The following LARGE1 variants were observed in gnomAD, a reference collection of about 807,000 sequenced individuals.
The protein encoded by LARGE1 is xylosyl- and glucuronyltransferase LARGE1.
A neutral mutation model predicts 87.6 loss-of-function variants in LARGE1; 43 were observed. The observed-to-expected ratio is 0.49, with a 90% CI of 0.38 to 0.63. LARGE1 has a LOEUF of 0.63. Among genes scored for constraint, LARGE1 ranks in the 30% least tolerant of loss-of-function variants. LARGE1 has a pLI of 0.00. For synonymous variants in LARGE1, 434 were observed against 394.6 expected, an observed-to-expected ratio of 1.10 and a Z score of -1.18; for missense variants, 802 against 1,000.2, an observed-to-expected ratio of 0.80 and a Z score of 2.67.
At chr22:33,119,065 T>A in the LARGE1 span, among the ~76,000 whole-genome samples, 2 of 152,322 alleles carry the variant, frequency 1.3e-5, no homozygotes, top group Middle Eastern at 6.8e-3. Context: ...GCAAAAGGGC[T>A]ATGGGTAGGA....
chr22:33,851,779 T>C (rs1404338291), intron 1 of LARGE1, among the ~76,000 whole-genome samples: 1 of 152,208 alleles, frequency 6.6e-6, no homozygotes, highest in Non-Finnish European at 1.5e-5. Context: ...TTGGGTGCTG[T>C]CAACAGAGCA....
chr22:33,071,946 G>A, the LARGE1 span, among the ~76,000 whole-genome samples: 4 of 152,164 alleles, frequency 2.6e-5, no homozygotes, highest in Non-Finnish European at 5.9e-5. Flanking sequence ...CTGTTCTGGA[G>A]CTACTACCCG....
At chr22:33,555,664 C>T (rs983778122) in intron 6 of LARGE1, among the ~76,000 whole-genome samples, 1 of 152,100 alleles carries the variant, frequency 6.6e-6, no homozygotes, top group African/African-American at 2.4e-5. Flanking sequence ...CGTGGTGGCT[C>T]ATGCTTGTAA....
intron 2 of LARGE1, among the ~76,000 whole-genome samples, chr22:33,701,680 TTG>T (rs752585785): frequency 1.3e-5 from 2 of 152,130 alleles, no homozygotes; most frequent in Non-Finnish European, 2.9e-5. Context: ...GCAAAAGTGA[TTG>T]TAAGTGGATT....
chr22:33,683,267 A>G (rs2081837258), intron 2 of LARGE1, among the ~76,000 whole-genome samples: 1 of 152,210 alleles, frequency 6.6e-6, no homozygotes. Context: ...TCAATTGAAG[A>G]TCTGAGTAGA....
the LARGE1 span, among the ~76,000 whole-genome samples, chr22:33,115,592 G>A: frequency 6.6e-6 from 1 of 151,968 alleles, no homozygotes; most frequent in Non-Finnish European, 1.5e-5. Flanking sequence ...TCAAGGCGGG[G>A]GAATCACGAA....
At chr22:33,268,773 T>C (rs1232105788), downstream of LARGE1, among the ~76,000 whole-genome samples, 3 of 152,170 alleles carry the variant, frequency 2.0e-5, no homozygotes, top group Non-Finnish European at 4.4e-5. Flanking sequence ...TCACTTTCAT[T>C]GTCTGGTAAT....
intron 9 of LARGE1, among the ~76,000 whole-genome samples, chr22:33,352,458 T>A (rs1363154473): frequency 6.6e-6 from 1 of 152,094 alleles, no homozygotes; most frequent in Non-Finnish European, 1.5e-5. Context: ...AATGTACAAC[T>A]GTTAGAAGAT....
At chr22:33,262,812 TTTCCTTCCTGAC>T (rs1403884970) in intron 11 of LARGE1, among the ~76,000 whole-genome samples, 2 of 149,508 alleles carry the variant, frequency 1.3e-5, no homozygotes, top group African/African-American at 4.9e-5. Flanking sequence ...TCCTTCCTTC[TTTCCTTCCTGAC>T]TTCCTTCCTT....
At chr22:33,244,168 T>TTG (rs695523) in intron 11 of LARGE1, among the ~76,000 whole-genome samples, 3 of 151,646 alleles carry the variant, frequency 2.0e-5, no homozygotes, top group Non-Finnish European at 4.4e-5. Flanking sequence ...TTTTTTTTTT[T>TTG]GTATTTTTAG....
intron 12 of LARGE1, among the ~76,000 whole-genome samples, chr22:33,296,836 T>C (rs1602288974): frequency 1.3e-5 from 2 of 152,174 alleles, no homozygotes; most frequent in Non-Finnish European, 2.9e-5. Flanking sequence ...CCCAAAGTGC[T>C]GGGACTACAG....
rs1300232223 is a variant in LARGE1, at chr22:33,552,004, A to AG, written c.787+12843_787+12844insC. Among the ~76,000 whole-genome samples the AG allele has an allele frequency of 3.3e-5, 5 of 151,620 alleles. No homozygotes were observed. In the East Asian group the frequency reaches 9.7e-4, roughly 29 times the overall value. On this transcript the variant is annotated intron_variant, in intron 6 of 14. Coordinates refer to ENST00000397394, the MANE Select transcript of LARGE1 (RefSeq NM_133642.5). ...GCAAGGCTCCGTCTCAAAAAAAAAA[A>AG]AAAAAAAAAAAGTGATCTAGCTAAA...
At chr22:33,515,690 C>T (rs2071271851) in intron 6 of LARGE1, among the ~76,000 whole-genome samples, 1 of 152,106 alleles carries the variant, frequency 6.6e-6, no homozygotes, top group Non-Finnish European at 1.5e-5. Context: ...GGCAGTAGTC[C>T]CCGGACTTAA....
intron 11 of LARGE1, among the ~76,000 whole-genome samples, chr22:33,260,779 T>G (rs1231062869): frequency 6.6e-6 from 1 of 152,170 alleles, no homozygotes; most frequent in African/African-American, 2.4e-5. Context: ...TTTGTTAACC[T>G]CCATCCAACC....
intron 10 of LARGE1, among the ~76,000 whole-genome samples, chr22:33,324,734 T>A (rs1420194289): frequency 6.6e-6 from 1 of 152,174 alleles, no homozygotes; most frequent in Non-Finnish European, 1.5e-5. Flanking sequence ...CTTAGAGACT[T>A]CTGTTCACAG....
In LARGE1 at chr22:33,466,693, T is replaced by TACACACACACACACACACAC. The variant is rs536654371; in HGVS notation, c.788-34448_788-34429dup. On this transcript the variant is annotated intron_variant, in intron 6 of 14. Coordinates refer to ENST00000397394, the MANE Select transcript of LARGE1 (RefSeq NM_133642.5). Reference sequence around the variant, plus strand: ...GCCTCATTCACCCCCTCTCTCTCTCTACACACACACACACACACACATACA... The same window carrying TACACACACACACACACACAC: ...GCCTCATTCACCCCCTCTCTCTCTCTACACACACACACACACACACACACACACACACACACACACATACA... Among the ~76,000 whole-genome samples the TACACACACACACACACACAC allele has an allele frequency of 2.7e-3, 397 of 145,320 alleles. 5 individuals carry two copies. The highest frequency in any genetic ancestry group is 0.01 in the East Asian group (50 of 4,896).
At chr22:33,454,900 T>C (rs1229827258) in intron 6 of LARGE1, among the ~76,000 whole-genome samples, 1 of 152,140 alleles carries the variant, frequency 6.6e-6, no homozygotes, top group Non-Finnish European at 1.5e-5. Flanking sequence ...AATCCACCCC[T>C]GTGACCTAAT....
intron 2 of LARGE1, chr22:33,723,789 T>G (rs1489914542): frequency 6.6e-6 from 1 of 152,118 alleles, no homozygotes. Context: ...CACAACTCCC[T>G]ATACCACCCT....
intron 6 of LARGE1, among the ~76,000 whole-genome samples, chr22:33,547,955 T>G (rs1227204187): frequency 6.6e-6 from 1 of 152,072 alleles, no homozygotes; most frequent in Non-Finnish European, 1.5e-5. Context: ...TTATTTTTAA[T>G]AAAGAAAATA....
Sources: allele counts gnomAD v4.1 joint callset (sites outside exome capture counted in the v4.1 genomes callset), GRCh38; gene constraint gnomAD v4.1.1; transcripts MANE v1.5; gene names NCBI Gene and HGNC (gene_info 2026-07-23, HGNC 2026-07-21).